Variants in TMEM237 observed in about 807,000 individuals in gnomAD.
TMEM237 encodes the protein amyotrophic lateral sclerosis 2 (juvenile) chromosome region, candidate 4.
Under a neutral mutation model 59.1 loss-of-function variants are expected in TMEM237, and 51 were observed. The ratio of observed to expected loss-of-function variants is 0.86; its 90% CI spans 0.69 to 1.09. The LOEUF is 1.09. Among genes scored for constraint, TMEM237 ranks in the 50% least tolerant of loss-of-function variants. The probability of loss-of-function intolerance (pLI) is 0.00; values close to 1 mark genes in which losing one functional copy is unlikely to be tolerated. For synonymous variants in TMEM237, 140 were observed against 166.1 expected, an observed-to-expected ratio of 0.84 and a Z score of 1.21; for missense variants, 475 against 478.3, an observed-to-expected ratio of 0.99 and a Z score of 0.06.
chr2:201,634,365 T>C (rs1687253253), intron 5 of TMEM237: 1 of 152,198 alleles, frequency 6.6e-6, no homozygotes, highest in Admixed American at 6.6e-5. Flanking sequence ...ACTGGAAATA[T>C]AATGCAAGCA....
At position 201,643,280 on chromosome 2, in the gene TMEM237, C is replaced by T; in HGVS notation, c.42+79G>A. 2 of 1,334,882 alleles carry T rather than the reference C, an allele frequency of 1.5e-6. No individual in the cohort carries two copies. Among genetic ancestry groups the T allele is most frequent in the African/African-American group, 1.5e-5 (1 of 68,464 alleles). The allele number at this position is 1,334,882 out of a possible 1,614,324, so 82.7% of individuals were successfully genotyped here. A position where few individuals can be genotyped will look rare whatever the true frequency, so the allele number is the denominator to read the frequency against. ...TGATTCCCAGCTCGTTGGCGCCCCC[C>T]CACACACACCCACCCCCACTGCCAA... On this transcript the variant is annotated intron_variant, in intron 1 of 12. Coordinates refer to ENST00000409883, the MANE Select transcript of TMEM237 (RefSeq NM_001044385.3). The surrounding 1 kb of genome is among the most constrained non-coding windows in gnomAD (Gnocchi z 4.3).
rs1687291171 is a variant in TMEM237, at chr2:201,635,955, T to G, written c.274+793A>C. Among the ~76,000 whole-genome samples the G allele has an allele frequency of 6.6e-6, 1 of 152,172 alleles. No individual in the cohort carries two copies. The highest frequency in any genetic ancestry group is 2.4e-5 in the African/African-American group (1 of 41,442). ...ACCCTAAGAAATTAACATAGTATATTTTACAAAAATGGGATCCTCCAATAC... is the reference window on the plus strand; with the variant it reads ...ACCCTAAGAAATTAACATAGTATATGTTACAAAAATGGGATCCTCCAATAC... On this transcript the variant is annotated intron_variant, in intron 5 of 12. Coordinates refer to ENST00000409883, the MANE Select transcript of TMEM237 (RefSeq NM_001044385.3). The surrounding 1 kb of genome is among the most constrained non-coding windows in gnomAD (Gnocchi z 4.5).
In TMEM237 at chr2:201,629,871, A is replaced by G. The variant is rs1163208940; in HGVS notation, c.554-19T>C. Reference sequence around the variant, plus strand: ...AATCTCCCTAAGAACACATAACGTAATTACTAACAACTAGCGAGAGAGAAC... The same window carrying G: ...AATCTCCCTAAGAACACATAACGTAGTTACTAACAACTAGCGAGAGAGAAC... On this transcript the variant is annotated intron_variant, in intron 7 of 12. Transcript: ENST00000409883. 6.2e-7 allele frequency: 1 copy of G among 1,604,330 alleles called. No homozygotes were observed. The highest frequency in any genetic ancestry group is 1.3e-5 in the African/African-American group (1 of 74,412).
intron 11 of TMEM237, 119 bp downstream of exon 11, chr2:201,627,202 G>C: frequency 1.5e-6 from 1 of 650,206 alleles, no homozygotes; most frequent in Middle Eastern, 2.7e-4. Context: ...GTATTTTCTT[G>C]CCATATATTT....
rs1957776578 is a variant in TMEM237 at position 201,628,173 on chromosome 2, T to C, written c.870-24A>G. 4 of 1,528,318 alleles carry C rather than the reference T, an allele frequency of 2.6e-6. No individual in the cohort carries two copies. In the Admixed American group the frequency reaches 5.4e-5, roughly 21 times the overall value. 94.7% of individuals were successfully genotyped at this position (1,528,318 alleles called of 1,614,324 possible). On this transcript the variant is annotated intron_variant, in intron 9 of 12. Transcript: ENST00000409883. ...TCCTAGAAAATATAAAAGTTTCTTGTCACAGCGCAGTTGTAAACTTAACAA... is the reference window on the plus strand; with the variant it reads ...TCCTAGAAAATATAAAAGTTTCTTGCCACAGCGCAGTTGTAAACTTAACAA...
At chr2:201,639,531 CA>C (rs1189530479) in intron 3 of TMEM237, among the ~76,000 whole-genome samples, 4 of 152,206 alleles carry the variant, frequency 2.6e-5, no homozygotes, top group Non-Finnish European at 5.9e-5. Context: ...CGCAGTGGCT[CA>C]CACCTGTAAT....
At chr2:201,642,495 C>T (rs1187326214) in intron 1 of TMEM237, 1 of 1,239,366 alleles carries the variant, frequency 8.1e-7, no homozygotes, top group Non-Finnish European at 1.1e-6. Context: ...TTTCAAAAGT[C>T]CCGCAAAAAT....
chr2:201,632,222 G>A lies in TMEM237; in HGVS notation c.396-14C>T, dbSNP rs74411816. On this transcript the variant is annotated splice_polypyrimidine_tract_variant and intron_variant, in intron 6 of 12. Coordinates refer to ENST00000409883, the MANE Select transcript of TMEM237 (RefSeq NM_001044385.3). ...GGCTGGGTTTTCCTGTAATAAGGAC[G>A]TATGTATGAAAAATAGATGATTATT... is the stretch of plus-strand genomic sequence containing the variant. 3.5e-4 allele frequency: 557 copies of A among 1,612,028 alleles called. 1 individual carries two copies. In the African/African-American group the frequency reaches 6.0e-3, roughly 17 times the overall value.
Position 201,629,036 on chromosome 2 carries a change from A to G in TMEM237, c.869+194T>C, listed in dbSNP as rs1386211510. Among the ~76,000 whole-genome samples the G allele has an allele frequency of 3.9e-5, 6 of 152,336 alleles. No homozygotes were observed. The East Asian group carries it at 9.6e-4, about 24-fold the overall frequency. The stretch of plus-strand genomic sequence containing the variant: ...TTATGAATTGATGCTGGAATGGGTG[A>G]AGTCTTTTGGGAATATTTTGTTTAC... On this transcript the variant is annotated intron_variant, in intron 9 of 12. Transcript: ENST00000409883.
At chr2:201,628,250 C>T in intron 9 of TMEM237, 101 bp from the exon 10 acceptor site, 1 of 724,898 alleles carries the variant, frequency 1.4e-6, no homozygotes, top group Non-Finnish European at 2.3e-6. Context: ...AATGCTAGCA[C>T]ATATACTATT....
At chr2:201,632,020 G>C (rs775221221) in intron 7 of TMEM237, 31 bp downstream of exon 7, 2 of 1,610,388 alleles carry the variant, frequency 1.2e-6, no homozygotes, top group South Asian at 2.2e-5. Context: ...TTTTTAAAGA[G>C]TTCATATTCT....
At chr2:201,626,200 C>A in intron 11 of TMEM237, 53 bp from the exon 12 acceptor site, 1 of 1,562,842 alleles carries the variant, frequency 6.4e-7, no homozygotes, top group Non-Finnish European at 8.7e-7. Flanking sequence ...TTCATATACA[C>A]AAATATATCT....
intron 6 of TMEM237, among the ~76,000 whole-genome samples, chr2:201,632,426 C>T (rs1417617858): frequency 1.3e-5 from 2 of 152,170 alleles, no homozygotes; most frequent in Non-Finnish European, 2.9e-5. Context: ...AGTGACTGAA[C>T]TAGATCTGTA....
At chr2:201,640,200 A>G in intron 3 of TMEM237, 61 bp downstream of exon 3, 1 of 1,413,974 alleles carries the variant, frequency 7.1e-7, no homozygotes, top group Non-Finnish European at 9.5e-7. Context: ...AAGAGAAACA[A>G]ACCAAGGAAT....
intron 1 of TMEM237, among the ~76,000 whole-genome samples, chr2:201,642,210 T>C (rs532462149): frequency 6.6e-6 from 1 of 152,230 alleles, no homozygotes; most frequent in Non-Finnish European, 1.5e-5. Context: ...GAAGCCAATT[T>C]AATGTTCCAA....
Position 201,643,379 on chromosome 2 carries a change from G to A in TMEM237, c.22C>T (p.Arg8Trp), listed in dbSNP as rs972949531. 7.4e-5 allele frequency: 114 copies of A among 1,543,226 alleles called. No individual in the cohort carries two copies. Among genetic ancestry groups the A allele is most frequent in the Non-Finnish European group, 9.4e-5 (107 of 1,143,708 alleles). The change falls in exon 1 of 13, where the codon CGG becomes TGG. Residue 8 changes from arginine to tryptophan, a missense_variant. Transcript: ENST00000409883. The surrounding 1 kb of genome is among the most constrained non-coding windows in gnomAD (Gnocchi z 4.3). MRTDSGA[R>W]LEEGHLRPPR... ...CTCACCAGGTGGCCCTCCTCCAGCCGAGCCCCCGAGTCAGTCCTCATGGTG... is the reference window on the plus strand; with the variant it reads ...CTCACCAGGTGGCCCTCCTCCAGCCAAGCCCCCGAGTCAGTCCTCATGGTG...
intron 7 of TMEM237, among the ~76,000 whole-genome samples, chr2:201,630,341 G>A (rs1020293274): frequency 6.6e-6 from 1 of 152,170 alleles, no homozygotes; most frequent in Non-Finnish European, 1.5e-5. Context: ...GAAATAGGCT[G>A]CTTCATAAAT....
At chr2:201,641,604 A>T (rs1003865986) in intron 1 of TMEM237, among the ~76,000 whole-genome samples, 3 of 151,228 alleles carry the variant, frequency 2.0e-5, no homozygotes, top group Non-Finnish European at 1.5e-5. Context: ...CAATGTTAAA[A>T]ATATATATAT....
intron 4 of TMEM237, among the ~76,000 whole-genome samples, chr2:201,637,813 G>C (rs1331348417): frequency 6.7e-6 from 1 of 150,134 alleles, no homozygotes; most frequent in African/African-American, 2.5e-5. Context: ...GTAGTACATA[G>C]AGAAATGTAA....
Sources: gnomAD v4.1 joint callset for allele counts (sites outside exome capture counted in the v4.1 genomes callset) on GRCh38, gnomAD v4.1.1 for gene constraint, Gnocchi (gnomAD v3.1) non-coding constraint, MANE v1.5 for transcripts, NCBI Gene and HGNC (gene_info 2026-07-23, HGNC 2026-07-21) for gene names.